The following CHRDL2 variants were observed in gnomAD, a reference collection of about 807,000 sequenced individuals.
The protein encoded by CHRDL2 is chordin-like protein 2.
A neutral mutation model predicts 54.3 loss-of-function variants in CHRDL2; 41 were observed. That is an observed-to-expected ratio of 0.76 (90% confidence interval 0.59 to 0.98). The LOEUF (loss-of-function observed/expected upper bound fraction) is 0.98. Ranked by LOEUF, CHRDL2 falls within the 50% of genes least tolerant of loss-of-function variation. The probability of loss-of-function intolerance (pLI) is 0.00; values close to 1 mark genes in which losing one functional copy is unlikely to be tolerated. For missense variants in CHRDL2, 518 were observed against 562.4 expected (o/e 0.92, Z 0.80); for synonymous variants, 220 against 224.3 (o/e 0.98, Z 0.17).
intron 1 of CHRDL2, among the ~76,000 whole-genome samples, chr11:74,730,112 C>T (rs1308213269): frequency 6.6e-6 from 1 of 152,130 alleles, no homozygotes; most frequent in Non-Finnish European, 1.5e-5. Flanking sequence ...TGACGGCCTC[C>T]CAGCAGCTGG....
At chr11:74,702,267 A>G (rs75972275) in intron 9 of CHRDL2, among the ~76,000 whole-genome samples, 2 of 143,178 alleles carry the variant, frequency 1.4e-5, no homozygotes, top group Non-Finnish European at 3.1e-5. Context: ...AAAAAAAAAA[A>G]GTAGAAAAAA....
intron 3 of CHRDL2, among the ~76,000 whole-genome samples, chr11:74,712,836 C>G (rs951229912): frequency 6.6e-6 from 1 of 152,214 alleles, no homozygotes; most frequent in African/African-American, 2.4e-5. Context: ...CTGACTTCTT[C>G]TTCCTAGAAT....
At chr11:74,708,869 G>A (rs2034098786) in intron 4 of CHRDL2, among the ~76,000 whole-genome samples, 1 of 152,322 alleles carries the variant, frequency 6.6e-6, no homozygotes, top group Middle Eastern at 3.4e-3. Flanking sequence ...AGCCTTGAAA[G>A]GCAAGACTGC....
intron 1 of CHRDL2, among the ~76,000 whole-genome samples, chr11:74,723,925 G>A (rs1173581475): frequency 6.6e-6 from 1 of 152,320 alleles, no homozygotes; most frequent in East Asian, 1.9e-4. Context: ...TGAATACTGG[G>A]GGACTGCTAC....
chr11:74,709,569 C>A (rs1056222171), intron 4 of CHRDL2, among the ~76,000 whole-genome samples: 3 of 152,192 alleles, frequency 2.0e-5, no homozygotes, highest in Non-Finnish European at 4.4e-5. Context: ...TAATTGCTTA[C>A]TAGGTTGATT....
chr11:74,730,816 C>T lies in CHRDL2; in HGVS notation c.73G>A (p.Ala25Thr). ...ALLWFPLDSH[A>T]RARPDMFCLF... ...CTCCCGGTCTACTTACGGGCTCGAGCGTGGGAGTCCAGGGGGAACCAGAGC... is the reference window on the plus strand; with the variant it reads ...CTCCCGGTCTACTTACGGGCTCGAGTGTGGGAGTCCAGGGGGAACCAGAGC... Residue 25 changes from alanine (A) to threonine (T), a missense_variant, in exon 1 of 11, where the codon GCT (alanine) becomes ACT (threonine). Transcript: ENST00000376332. 1 of 1,611,524 alleles carries T rather than the reference C, an allele frequency of 6.2e-7. No individual in the cohort carries two copies.
At chr11:74,707,671 C>T (rs1013306632) in intron 5 of CHRDL2, among the ~76,000 whole-genome samples, 2 of 151,902 alleles carry the variant, frequency 1.3e-5, no homozygotes, top group African/African-American at 4.8e-5. Context: ...GGGACTTTGT[C>T]CCCCCATGGC....
intron 1 of CHRDL2, among the ~76,000 whole-genome samples, chr11:74,728,791 G>A (rs1591373251): frequency 6.6e-6 from 1 of 152,178 alleles, no homozygotes; most frequent in South Asian, 2.1e-4. Flanking sequence ...AGAAGCAGAT[G>A]GTTTTTGATA....
chr11:74,725,328 T>G (rs2034557914), intron 1 of CHRDL2, among the ~76,000 whole-genome samples: 1 of 152,146 alleles, frequency 6.6e-6, no homozygotes, highest in African/African-American at 2.4e-5. Context: ...AGTAGTTCAT[T>G]ATATGGGAAG....
chr11:74,730,947 A>G lies in CHRDL2; in HGVS notation c.-59T>C. The G allele has an allele frequency of 7.0e-7, 1 of 1,423,924 alleles. No individual in the cohort carries two copies. The highest frequency in any genetic ancestry group is 1.4e-5 in the African/African-American group (1 of 71,296). The allele number at this position is 1,423,924 out of a possible 1,614,324, so 88.2% of individuals were successfully genotyped here. On this transcript the variant is annotated 5_prime_UTR_variant, in exon 1 of 11. Transcript: ENST00000376332. ...CGGAGTCGGGAGGAAGGGAGACGAA[A>G]AGGACACGGAGGCACAGGGGCCACA... is the stretch of plus-strand genomic sequence containing the variant.
intron 2 of CHRDL2, among the ~76,000 whole-genome samples, chr11:74,715,412 T>G (rs996304503): frequency 2.0e-5 from 3 of 152,094 alleles, no homozygotes; most frequent in African/African-American, 7.2e-5. Context: ...GAGACCAGCC[T>G]GGCCAACATG....
chr11:74,704,432 C>G (rs1035425952), intron 7 of CHRDL2, 54 bp downstream of exon 7: 4 of 1,528,492 alleles, frequency 2.6e-6, no homozygotes, highest in East Asian at 2.4e-5. Flanking sequence ...GAGGTGGGAG[C>G]AGTCAGGGCC....
intron 2 of CHRDL2, among the ~76,000 whole-genome samples, chr11:74,714,049 A>G (rs909188576): frequency 6.6e-6 from 1 of 152,084 alleles, no homozygotes; most frequent in African/African-American, 2.4e-5. Flanking sequence ...AAGCATAGCA[A>G]GCGAGAGAAT....
chr11:74,730,794 C>T lies in CHRDL2; in HGVS notation c.82+13G>A. ...ATCCCTCCTCTGCCCACCCAGCCTC[C>T]CGGTCTACTTACGGGCTCGAGCGTG... On this transcript the variant is annotated intron_variant, in intron 1 of 10. Transcript: ENST00000376332. 1 of 1,604,480 alleles carries T rather than the reference C, an allele frequency of 6.2e-7. No individual in the cohort carries two copies. Among genetic ancestry groups the T allele is most frequent in the African/African-American group, 1.3e-5 (1 of 74,936 alleles).
intron 6 of CHRDL2, 43 bp from the exon 7 acceptor site, chr11:74,704,697 C>T (rs1217077267): frequency 3.8e-6 from 6 of 1,581,478 alleles, no homozygotes; most frequent in East Asian, 2.3e-5. Context: ...CTGAGCATAG[C>T]AGGCCCCAGC....
At chr11:74,711,727 C>A (rs1166783547) in intron 3 of CHRDL2, among the ~76,000 whole-genome samples, 2 of 152,088 alleles carry the variant, frequency 1.3e-5, no homozygotes, top group Admixed American at 1.3e-4. Context: ...ATAATCCCAG[C>A]ACTTTGGGAG....
In CHRDL2 at chr11:74,708,400, CAGAT is replaced by C. The variant is rs758860589; in HGVS notation, c.433-9_433-6del. The stretch of plus-strand genomic sequence containing the variant: ...GCCGCAGTAGATCTGGCCCTCCTGA[CAGAT>C]AGAGCAAACCAGCTGGGAAATGAGC... On this transcript the variant is annotated splice_polypyrimidine_tract_variant and splice_region_variant and intron_variant, in intron 4 of 10. Transcript: ENST00000376332. The C allele has an allele frequency of 1.7e-5, 26 of 1,563,080 alleles. No individual in the cohort carries two copies. The highest frequency in any genetic ancestry group is 9.4e-5 in the Admixed American group (5 of 53,040).
At chr11:74,716,725 G>A (rs2034367781) in intron 2 of CHRDL2, among the ~76,000 whole-genome samples, 1 of 150,178 alleles carries the variant, frequency 6.7e-6, no homozygotes, top group Non-Finnish European at 1.5e-5. Flanking sequence ...GTCTCTGTAT[G>A]TCTGTCAATG....
At chr11:74,709,981 C>A (rs2034132135) in intron 4 of CHRDL2, among the ~76,000 whole-genome samples, 1 of 152,128 alleles carries the variant, frequency 6.6e-6, no homozygotes, top group Non-Finnish European at 1.5e-5. Flanking sequence ...CTTTGGGAGG[C>A]CGAGGCGGGC....
Sources: allele counts gnomAD v4.1 joint callset (sites outside exome capture counted in the v4.1 genomes callset), GRCh38; gene constraint gnomAD v4.1.1; transcripts MANE v1.5; gene names NCBI Gene and HGNC (gene_info 2026-07-23, HGNC 2026-07-21).